PRKD3: variants seen among roughly 807,000 people sequenced by gnomAD.
PRKD3 encodes the protein protein kinase D3, also known as serine/threonine-protein kinase D3.
In PRKD3, 47 loss-of-function variants were observed where a neutral mutation model predicts 99.2. The observed-to-expected ratio is 0.47, with a 90% CI of 0.38 to 0.60. The LOEUF is 0.60. PRKD3 is among the 20% of genes least tolerant of loss of function. PRKD3 has a pLI of 0.00. For synonymous variants in PRKD3, 392 were observed against 355.4 expected (o/e 1.10, Z -1.16); for missense variants, 1,019 against 1,088.4 (o/e 0.94, Z 0.90).
Position 37,262,807 on chromosome 2 carries a change from G to GT in PRKD3, c.1885-2424dup, listed in dbSNP as rs561048818. On this transcript the variant is annotated intron_variant, in intron 14 of 18. Transcript: ENST00000234179. ...TCTATTTCCTCTGGAGTATGTTTTA[G>GT]TAAGTTATACTTTCATTGAGAATTA... Among the ~76,000 whole-genome samples, 182 of 151,962 alleles carry GT rather than the reference G, an allele frequency of 1.2e-3. 1 individual carries two copies. Among genetic ancestry groups the GT allele is most frequent in the Admixed American group, 3.2e-3 (49 of 15,268 alleles).
intron 15 of PRKD3, 59 bp downstream of exon 15, chr2:37,260,164 T>TAAA: frequency 3.7e-6 from 4 of 1,084,788 alleles, no homozygotes; most frequent in Non-Finnish European, 3.9e-6. Flanking sequence ...ACTCTTGTCT[T>TAAA]AAAAAAAAAA....
chr2:37,315,100 G>A (rs979718676), intron 2 of PRKD3, among the ~76,000 whole-genome samples: 1 of 152,176 alleles, frequency 6.6e-6, no homozygotes, highest in Non-Finnish European at 1.5e-5. Flanking sequence ...AATTCCCAGA[G>A]AGAGATGATT....
intron 9 of PRKD3, among the ~76,000 whole-genome samples, chr2:37,276,140 T>TAC (rs765120824): frequency 2.6e-4 from 39 of 151,828 alleles, no homozygotes; most frequent in East Asian, 1.7e-3. Flanking sequence ...ATATGACACA[T>TAC]ACACACACAC....
intron 14 of PRKD3, among the ~76,000 whole-genome samples, chr2:37,264,344 A>G (rs1668678160): frequency 6.6e-6 from 1 of 152,206 alleles, no homozygotes; most frequent in South Asian, 2.1e-4. Context: ...TGTACCCAGT[A>G]CTATGTGGGT....
chr2:37,287,777 C>A (rs1670193571), intron 5 of PRKD3, among the ~76,000 whole-genome samples: 1 of 152,184 alleles, frequency 6.6e-6, no homozygotes, highest in Non-Finnish European at 1.5e-5. Flanking sequence ...TTATTCCCTT[C>A]ATATAGAAAG....
chr2:37,304,196 TAAAAAAA>T (rs70949750), intron 2 of PRKD3, among the ~76,000 whole-genome samples: 1 of 93,972 alleles, frequency 1.1e-5, no homozygotes, highest in Non-Finnish European at 2.1e-5. Context: ...AGGTACTTAC[TAAAAAAA>T]AAAAAAAAAA....
chr2:37,280,907 A>G (rs1669829777), intron 7 of PRKD3, among the ~76,000 whole-genome samples: 1 of 152,208 alleles, frequency 6.6e-6, no homozygotes, highest in Admixed American at 6.5e-5. Context: ...TTACAGCTCA[A>G]TGAAAAATAA....
intron 1 of PRKD3, among the ~76,000 whole-genome samples, chr2:37,320,700 G>A (rs1005920905): frequency 1.3e-5 from 2 of 152,000 alleles, no homozygotes; most frequent in Admixed American, 6.5e-5. Context: ...CCAAAGTGCT[G>A]GGATTACAGG....
chr2:37,318,089 G>A (rs998069894), intron 1 of PRKD3, among the ~76,000 whole-genome samples: 1 of 151,882 alleles, frequency 6.6e-6, no homozygotes, highest in African/African-American at 2.4e-5. Flanking sequence ...TTCCAATGAA[G>A]AGAAAGAGTA....
chr2:37,273,618 T>C (rs1263323246), intron 11 of PRKD3, among the ~76,000 whole-genome samples: 2 of 152,376 alleles, frequency 1.3e-5, no homozygotes, highest in Non-Finnish European at 2.9e-5. Flanking sequence ...AGAGCTTTTA[T>C]GATTTCTGTA....
rs1260331412 is a variant in PRKD3, at chr2:37,259,481, TA to T, written c.2145+101del. 1.9e-5 allele frequency: 13 copies of T among 696,732 alleles called. No homozygotes were observed. In the African/African-American group the frequency reaches 2.4e-4, roughly 13 times the overall value. 43.2% of individuals were successfully genotyped at this position (696,732 alleles called of 1,614,324 possible). On this transcript the variant is annotated intron_variant, in intron 16 of 18. Transcript: ENST00000234179. The stretch of plus-strand genomic sequence containing the variant: ...GCTAAAAACTATTTTTGTAAGGTGG[TA>T]TGCATTTTTAACCAACAGTACTTAG...
At chr2:37,324,157 TG>T in intron 1 of PRKD3, 4 of 985,086 alleles carry the variant, frequency 4.1e-6, no homozygotes, top group Non-Finnish European at 4.8e-6. Context: ...GTCGGGATAC[TG>T]GGGCGAGGGG....
At position 37,251,342 on chromosome 2, in the gene PRKD3, A is replaced by G. The variant is rs1399632912; in HGVS notation, c.*1835T>C. ...TTGGGAGGGCTAAGGGTAAGATTAGAGCCATACTACTGGTCTCAAATACTA... is the reference window on the plus strand; with the variant it reads ...TTGGGAGGGCTAAGGGTAAGATTAGGGCCATACTACTGGTCTCAAATACTA... On this transcript the variant is annotated 3_prime_UTR_variant, in exon 19 of 19. Coordinates refer to ENST00000234179, the MANE Select transcript of PRKD3 (RefSeq NM_005813.6). 2 of 152,552 alleles carry G rather than the reference A, an allele frequency of 1.3e-5. No homozygotes were observed. The highest frequency in any genetic ancestry group is 4.8e-5 in the African/African-American group (2 of 41,438). 9.4% of individuals were successfully genotyped at this position (152,552 alleles called of 1,614,324 possible). A position where few individuals can be genotyped will look rare whatever the true frequency, so the allele number is the denominator to read the frequency against.
chr2:37,289,175 T>A (rs1316787089), intron 5 of PRKD3, among the ~76,000 whole-genome samples, 181 bp downstream of exon 5: 1 of 152,156 alleles, frequency 6.6e-6, no homozygotes, highest in Admixed American at 6.5e-5. Context: ...TCCCAAGGTG[T>A]ACAAAATGCA....
chr2:37,306,896 A>G (rs1358322261), intron 2 of PRKD3, among the ~76,000 whole-genome samples: 1 of 152,254 alleles, frequency 6.6e-6, no homozygotes, highest in Non-Finnish European at 1.5e-5. Flanking sequence ...ATTTTAATCT[A>G]GGAGACAGTC....
intron 2 of PRKD3, among the ~76,000 whole-genome samples, chr2:37,295,707 T>C (rs535333139): frequency 6.6e-6 from 1 of 152,374 alleles, no homozygotes; most frequent in Non-Finnish European, 1.5e-5. Context: ...AATTACTTGA[T>C]GGCTGTAAAA....
At chr2:37,304,087 T>A (rs1333150470) in intron 2 of PRKD3, among the ~76,000 whole-genome samples, 1 of 152,098 alleles carries the variant, frequency 6.6e-6, no homozygotes, top group Non-Finnish European at 1.5e-5. Context: ...TTCACAAGTC[T>A]TTTTAAACAT....
chr2:37,289,328 A>G (rs766885688), intron 5 of PRKD3, 28 bp downstream of exon 5: 1 of 1,607,998 alleles, frequency 6.2e-7, no homozygotes, highest in Non-Finnish European at 8.5e-7. Flanking sequence ...AACTACTACT[A>G]AAATGTCTAT....
chr2:37,323,278 G>C (rs866916655), intron 1 of PRKD3, among the ~76,000 whole-genome samples: 1 of 150,534 alleles, frequency 6.6e-6, no homozygotes, highest in Non-Finnish European at 1.5e-5. Context: ...AATGTGAAAC[G>C]CTATATACTA....
Sources: allele counts gnomAD v4.1 joint callset (sites outside exome capture counted in the v4.1 genomes callset), GRCh38; gene constraint gnomAD v4.1.1; transcripts MANE v1.5; gene names NCBI Gene and HGNC (gene_info 2026-07-23, HGNC 2026-07-21).